Variants in IL12RB1 observed in about 807,000 individuals in gnomAD.
IL12RB1 encodes the protein interleukin-12 receptor subunit beta-1.
IL12RB1 carries 64 observed loss-of-function variants against 94.4 expected under a neutral mutation model. That is an observed-to-expected ratio of 0.68 (90% CI 0.55 to 0.83). IL12RB1 has a LOEUF of 0.83. Among genes scored for constraint, IL12RB1 ranks in the 40% least tolerant of loss-of-function variants. IL12RB1 has a pLI of 0.00. For synonymous variants in IL12RB1, 362 were observed against 355.5 expected, an observed-to-expected ratio of 1.02 and a Z score of -0.21; for missense variants, 814 against 855.6, an observed-to-expected ratio of 0.95 and a Z score of 0.61.
At position 18,062,212 on chromosome 19, in the gene IL12RB1, C is replaced by T. The variant is rs1405787120; in HGVS notation, c.1684G>A (p.Val562Met). ...SLGSFLSILL[V>M]GVLGYLGLNR... ...AGGCCAAGGTAGCCAAGGACGCCCACGAGAAGGATGCTCAGGAAGCTCCCC... is the reference window on the plus strand; with the variant it reads ...AGGCCAAGGTAGCCAAGGACGCCCATGAGAAGGATGCTCAGGAAGCTCCCC... The change falls in exon 14 of 17, where the codon GTG becomes ATG. Residue 562 changes from valine to methionine, a missense_variant. Coordinates refer to ENST00000593993, the MANE Select transcript of IL12RB1 (RefSeq NM_005535.3). The T allele has an allele frequency of 2.5e-6, 4 of 1,613,382 alleles. No individual in the cohort carries two copies. The highest frequency in any genetic ancestry group is 2.2e-5 in the East Asian group (1 of 44,868).
At chr19:18,063,765 G>T in intron 13 of IL12RB1, 111 bp downstream of exon 13, 1 of 985,958 alleles carries the variant, frequency 1.0e-6, no homozygotes, top group Non-Finnish European at 1.5e-6. Flanking sequence ...CCTGAGGGCA[G>T]TAGGGAGCCA....
intron 14 of IL12RB1, 70 bp downstream of exon 14, chr19:18,062,111 G>T: frequency 1.9e-6 from 2 of 1,052,560 alleles, no homozygotes; most frequent in Non-Finnish European, 3.0e-6. Context: ...TGCGGGCTAA[G>T]CTCCACTTTA....
At chr19:18,061,291 C>T (rs2146081628) in intron 14 of IL12RB1, 94 bp from the exon 15 acceptor site, 7 of 641,136 alleles carry the variant, frequency 1.1e-5, no homozygotes, top group Middle Eastern at 3.7e-4. Context: ...AGTGCAGTGG[C>T]GCGATCTCGG....
At chr19:18,076,008 C>G in intron 6 of IL12RB1, 140 bp from the exon 7 acceptor site, 1 of 827,184 alleles carries the variant, frequency 1.2e-6, no homozygotes, top group South Asian at 1.4e-5. Flanking sequence ...AGAAGCAGGC[C>G]AGGCCCTGTC....
At chr19:18,068,303 T>A (rs1266186908) in intron 11 of IL12RB1, 86 bp downstream of exon 11, 2 of 1,115,438 alleles carry the variant, frequency 1.8e-6, no homozygotes, top group Non-Finnish European at 2.5e-6. Context: ...TGGGATTACA[T>A]GCGTGAGTCA....
Position 18,059,577 on chromosome 19 carries a change from C to T in IL12RB1, c.*31G>A, listed in dbSNP as rs1464401374. 6 of 779,856 alleles carry T rather than the reference C, an allele frequency of 7.7e-6. No homozygotes were observed. Among genetic ancestry groups the T allele is most frequent in the South Asian group, 2.7e-5 (2 of 74,400 alleles). The allele number at this position is 779,856 out of a possible 1,614,324, so 48.3% of individuals were successfully genotyped here. The stretch of plus-strand genomic sequence containing the variant: ...CCTGTGTGTGCTACGTAGCCTCGGG[C>T]GAGTCACTCACCCTCTCTGAGCCTC... On this transcript the variant is annotated 3_prime_UTR_variant, in exon 17 of 17. Coordinates refer to ENST00000593993, the MANE Select transcript of IL12RB1 (RefSeq NM_005535.3).
chr19:18,063,726 A>C (rs2034345262), intron 13 of IL12RB1, 150 bp downstream of exon 13: 1 of 650,128 alleles, frequency 1.5e-6, no homozygotes, highest in Non-Finnish European at 2.5e-6. Context: ...GAGAGAAGGC[A>C]ATGGGAGCAG....
chr19:18,069,835 G>T, intron 9 of IL12RB1, 122 bp from the exon 10 acceptor site: 1 of 762,382 alleles, frequency 1.3e-6, no homozygotes, highest in East Asian at 2.5e-5. Context: ...CAGGGCCAGG[G>T]GTGTCTGTGT....
chr19:18,072,039 T>A lies in IL12RB1; in HGVS notation c.1021+73A>T, dbSNP rs574042030. The A allele has an allele frequency of 1.7e-4, 172 of 1,037,730 alleles. No individual in the cohort carries two copies. In the South Asian group the frequency reaches 2.0e-3, roughly 12 times the overall value. The allele number at this position is 1,037,730 out of a possible 1,614,324, so 64.3% of individuals were successfully genotyped here. A position where few individuals can be genotyped will look rare whatever the true frequency, so the allele number is the denominator to read the frequency against. On this transcript the variant is annotated intron_variant, in intron 9 of 16. Coordinates refer to ENST00000593993, the MANE Select transcript of IL12RB1 (RefSeq NM_005535.3). ...TTCTGCCTCGCTCCTCTCACCCTGG[T>A]CTAGCTGAGGCTCAGAGTAGGTGCT... is the stretch of plus-strand genomic sequence containing the variant.
intron 15 of IL12RB1, among the ~76,000 whole-genome samples, chr19:18,060,870 CA>C (rs2034074402): frequency 1.3e-5 from 2 of 152,246 alleles, no homozygotes; most frequent in South Asian, 2.1e-4. Context: ...TGGATTCAGG[CA>C]TATCTGAAGC....
chr19:18,082,094 T>C (rs529519345), intron 3 of IL12RB1, 56 bp downstream of exon 3: 1 of 1,099,852 alleles, frequency 9.1e-7, no homozygotes, highest in South Asian at 1.3e-5. Context: ...CCAGAGGGGG[T>C]TGAAGCAAGA....
chr19:18,075,331 G>A (rs1471950812), intron 7 of IL12RB1, among the ~76,000 whole-genome samples: 3 of 150,158 alleles, frequency 2.0e-5, no homozygotes, highest in Non-Finnish European at 4.4e-5. Context: ...TGTGATCTTG[G>A]ATCCCTGCAA....
chr19:18,061,071 C>A, intron 15 of IL12RB1, 51 bp downstream of exon 15: 1 of 946,368 alleles, frequency 1.1e-6, no homozygotes, highest in South Asian at 1.4e-5. Flanking sequence ...TAACCCTTGT[C>A]CAGCATGTGC....
chr19:18,072,879 G>A (rs1004747122), intron 8 of IL12RB1, among the ~76,000 whole-genome samples: 24 of 149,922 alleles, frequency 1.6e-4, no homozygotes, highest in Non-Finnish European at 2.8e-4. Context: ...CCCGGGAGGC[G>A]GAGCTTGTAG....
Position 18,072,092 on chromosome 19 carries a change from T to C in IL12RB1, c.1021+20A>G, listed in dbSNP as rs140606776. 6.5e-7 allele frequency: 1 copy of C among 1,537,298 alleles called. No individual in the cohort carries two copies. Among genetic ancestry groups the C allele is most frequent in the African/African-American group, 1.4e-5 (1 of 73,398 alleles). ...GCTCTGAGGGGCCCTCATACCGCCC[T>C]CCCCACCCAGAGGAGGCACCTGTGT... On this transcript the variant is annotated intron_variant, in intron 9 of 16. Coordinates refer to ENST00000593993, the MANE Select transcript of IL12RB1 (RefSeq NM_005535.3).
chr19:18,081,865 TGG>T (rs2035930324), intron 3 of IL12RB1, among the ~76,000 whole-genome samples: 2 of 151,342 alleles, frequency 1.3e-5, no homozygotes, highest in Admixed American at 6.6e-5. Context: ...GATGGATGGA[TGG>T]ATGGATGGAT....
chr19:18,074,163 G>T (rs1464173836), intron 7 of IL12RB1, among the ~76,000 whole-genome samples: 1 of 152,016 alleles, frequency 6.6e-6, no homozygotes, highest in East Asian at 1.9e-4. Flanking sequence ...TCTCTGCATG[G>T]TTTTGTTGTT....
At chr19:18,065,043 A>G (rs17884920) in intron 12 of IL12RB1, among the ~76,000 whole-genome samples, 13,032 of 152,100 alleles carry the variant, frequency 0.086, 1,888 homozygotes, top group African/African-American at 0.3. Flanking sequence ...TCATTTGCAT[A>G]TAATTAAAAG....
chr19:18,070,640 A>G (rs1568497000), intron 9 of IL12RB1: 1 of 534,558 alleles, frequency 1.9e-6, no homozygotes, highest in Non-Finnish European at 2.4e-6. Flanking sequence ...GCACCATTTC[A>G]CTATGATATG....
Sources: allele counts gnomAD v4.1 joint callset (sites outside exome capture counted in the v4.1 genomes callset), GRCh38; gene constraint gnomAD v4.1.1; transcripts MANE v1.5; gene names NCBI Gene and HGNC (gene_info 2026-07-23, HGNC 2026-07-21).